VAV2: variants seen among roughly 807,000 people sequenced by gnomAD.
The protein encoded by VAV2 is guanine nucleotide exchange factor VAV2.
VAV2 carries 67 observed loss-of-function variants against 132.5 expected under a neutral mutation model. That is an observed-to-expected ratio of 0.51 (90% CI 0.42 to 0.62). The LOEUF (loss-of-function observed/expected upper bound fraction) is 0.62. VAV2 is among the 20% of genes least tolerant of loss of function. The pLI is 0.00. For missense variants in VAV2, 938 were observed against 1,153.6 expected (o/e 0.81, Z 2.71); for synonymous variants, 492 against 443.5 (o/e 1.11, Z -1.37).
chr9:133,974,866 C>T (rs1197762033), intron 1 of VAV2, among the ~76,000 whole-genome samples: 6 of 152,184 alleles, frequency 3.9e-5, no homozygotes, highest in Admixed American at 2.0e-4. Context: ...GACTGGCCCC[C>T]GAAGTCTTCC....
At chr9:133,914,808 G>GCGA in intron 2 of VAV2, among the ~76,000 whole-genome samples, 1 of 133,768 alleles carries the variant, frequency 7.5e-6, no homozygotes, top group Non-Finnish European at 1.6e-5. Flanking sequence ...GAGGGGAAGG[G>GCGA]AGAAGGGGAG....
intron 1 of VAV2, among the ~76,000 whole-genome samples, chr9:133,983,901 T>C (rs912984102): frequency 5.9e-5 from 9 of 151,932 alleles, no homozygotes; most frequent in Non-Finnish European, 7.4e-5. Context: ...CCAAGGAGGC[T>C]TTTCAGATAT....
Position 133,784,409 on chromosome 9 carries a change from G to T in VAV2, c.1542C>A (p.Ile514=), listed in dbSNP as rs1177532447. The T allele has an allele frequency of 3.7e-6, 6 of 1,614,078 alleles. No homozygotes were observed. Among genetic ancestry groups the T allele is most frequent in the Non-Finnish European group, 5.1e-6 (6 of 1,180,008 alleles). The change falls in exon 18 of 30, where the codon ATC becomes ATA. Residue 514 remains isoleucine, a synonymous_variant. Transcript: ENST00000371850. ...MEQFEMAMSN[I]KPDKANANHH... ...GGTTGGCATTGGCTTTGTCTGGCTT[G>T]ATGTTTGACCTGGCAGGAGGGAAAG...
intron 1 of VAV2, among the ~76,000 whole-genome samples, chr9:133,983,478 A>G (rs1046644189): frequency 1.1e-4 from 17 of 152,060 alleles, no homozygotes; most frequent in Non-Finnish European, 2.2e-4. Flanking sequence ...CCATGAGTCC[A>G]CCGCCCTGAG....
chr9:133,920,597 C>G (rs1486850460), intron 2 of VAV2, among the ~76,000 whole-genome samples: 3 of 152,158 alleles, frequency 2.0e-5, no homozygotes, highest in African/African-American at 7.2e-5. Context: ...TGCCCCCTCC[C>G]CAGGTGTCCC....
At position 133,863,897 on chromosome 9, in the gene VAV2, G is replaced by A. The variant is rs1392573457; in HGVS notation, c.322-2465C>T. ...AAGCCGGCCCCATGTGAAACCCACT[G>A]GCCTGAAAGGTTAGGAGCAGAAGTA... On this transcript the variant is annotated intron_variant, in intron 2 of 29. Coordinates refer to ENST00000371850, the MANE Select transcript of VAV2 (RefSeq NM_001134398.2). This position sits in a 1 kb window ranked among gnomAD's most constrained non-coding sequence, Gnocchi z 5.0. 6.6e-6 allele frequency among the ~76,000 whole-genome samples: 1 copy of A among 152,092 alleles called. No individual in the cohort carries two copies. The highest frequency in any genetic ancestry group is 1.5e-5 in the Non-Finnish European group (1 of 68,010).
chr9:133,764,079 C>A lies in VAV2; in HGVS notation c.2620G>T (p.Glu874Ter). Residue 874 changes from glutamate to a stop codon, truncating the protein, a stop_gained, in exon 30 of 30, where the codon GAG becomes TAG. Coordinates refer to ENST00000371850, the MANE Select transcript of VAV2 (RefSeq NM_001134398.2). LOFTEE classifies it high-confidence loss of function. Reference sequence around the variant, plus strand: ...TCCTGCCGTCACTGGATGCCCTCCTCTTCTACGTACGTTGAAGGAAACCAG... The same window carrying A: ...TCCTGCCGTCACTGGATGCCCTCCTATTCTACGTACGTTGAAGGAAACCAG... ...IGWFPSTYVE[E>*]EGIQ 6.2e-7 allele frequency: 1 copy of A among 1,613,974 alleles called. No individual in the cohort carries two copies. The highest frequency in any genetic ancestry group is 2.2e-5 in the East Asian group (1 of 44,870).
intron 29 of VAV2, among the ~76,000 whole-genome samples, chr9:133,766,759 AATAT>A (rs373267933): frequency 0.028 from 3,089 of 112,112 alleles, 69 homozygotes; most frequent in Admixed American, 0.035. Flanking sequence ...AGTATAAATA[AATAT>A]ATATATATAT....
intron 1 of VAV2, among the ~76,000 whole-genome samples, chr9:133,946,939 T>C (rs548954317): frequency 1.3e-5 from 2 of 152,268 alleles, no homozygotes; most frequent in South Asian, 2.1e-4. Flanking sequence ...CCAAATGCCC[T>C]GGACAATGCC....
In VAV2 at chr9:133,926,557, C is replaced by T. The variant is rs997765844; in HGVS notation, c.321+12546G>A. On this transcript the variant is annotated intron_variant, in intron 2 of 29. Transcript: ENST00000371850. This position sits in a 1 kb window ranked among gnomAD's most constrained non-coding sequence, Gnocchi z 4.3. ...CAGTCTCCTACTCCAAGCAGACCTC[C>T]CTTCTAAACCTGAGCAGGCCAGGCC... is the stretch of plus-strand genomic sequence containing the variant. 6.6e-6 allele frequency among the ~76,000 whole-genome samples: 1 copy of T among 152,154 alleles called. No individual in the cohort carries two copies. The highest frequency in any genetic ancestry group is 2.4e-5 in the African/African-American group (1 of 41,418).
intron 2 of VAV2, among the ~76,000 whole-genome samples, chr9:133,865,278 T>C (rs891631459): frequency 3.9e-5 from 6 of 152,240 alleles, no homozygotes; most frequent in African/African-American, 1.4e-4. Flanking sequence ...CACCCAATCT[T>C]GCATGGCCTT....
chr9:133,888,285 G>C (rs115837427), intron 2 of VAV2, among the ~76,000 whole-genome samples: 1 of 152,336 alleles, frequency 6.6e-6, no homozygotes, highest in African/African-American at 2.4e-5. Flanking sequence ...CGGTGGTGAC[G>C]GCTGCACAGC....
chr9:133,842,499 A>T (rs1836765671), intron 3 of VAV2, among the ~76,000 whole-genome samples: 1 of 152,202 alleles, frequency 6.6e-6, no homozygotes. Flanking sequence ...GGGTTTGCCC[A>T]GGACAGGGAT....
In VAV2 at chr9:133,849,067, T is replaced by C. The variant is rs144126407; in HGVS notation, c.380+12307A>G. Among the ~76,000 whole-genome samples the C allele has an allele frequency of 3.1e-3, 479 of 152,364 alleles. 1 individual carries two copies. Among genetic ancestry groups the C allele is most frequent in the African/African-American group, 0.011 (456 of 41,590 alleles). On this transcript the variant is annotated intron_variant, in intron 3 of 29. Coordinates refer to ENST00000371850, the MANE Select transcript of VAV2 (RefSeq NM_001134398.2). ...GCAGATACATTTTTAATGCTGACAG[T>C]TGCTGAAGAGGCGGCCTTGGTTTGT...
intron 2 of VAV2, among the ~76,000 whole-genome samples, chr9:133,937,650 G>A (rs1840976225): frequency 6.6e-6 from 1 of 152,086 alleles, no homozygotes; most frequent in Non-Finnish European, 1.5e-5. Context: ...TGCAGGGAAG[G>A]AACAGGAGAG....
chr9:133,788,360 G>A lies in VAV2; in HGVS notation c.1401C>T (p.Val467=), dbSNP rs747297416. The A allele has an allele frequency of 3.1e-6, 5 of 1,605,172 alleles. No homozygotes were observed. The South Asian group carries it at 5.5e-5, about 18-fold the overall frequency. ...GGGACCCGGAAGGCCCCACCTTCTT[G>A]ACGTCCTTGTTGTTCATGGGGTCGT... ...MTDDPMNNKD[V]KKSHGKMWSY... The change falls in exon 15 of 30, where the codon GTC becomes GTT. Residue 467 remains valine, a synonymous_variant. Transcript: ENST00000371850. This position sits in a 1 kb window ranked among gnomAD's most constrained non-coding sequence, Gnocchi z 5.3.
chr9:133,800,110 AAC>A (rs1834874426), intron 9 of VAV2, among the ~76,000 whole-genome samples: 1 of 152,216 alleles, frequency 6.6e-6, no homozygotes, highest in Non-Finnish European at 1.5e-5. Context: ...GAATCACACC[AAC>A]AGTCACCGAC....
At chr9:133,845,445 C>T (rs574677422) in intron 3 of VAV2, among the ~76,000 whole-genome samples, 6 of 152,250 alleles carry the variant, frequency 3.9e-5, no homozygotes, top group African/African-American at 9.6e-5. Flanking sequence ...GGGTTCTCTG[C>T]AACCACCAAT....
rs533253551 is a variant in VAV2 at position 133,991,180 on chromosome 9, C to G, written c.204+895G>C. Reference sequence around the variant, plus strand: ...GGCGCTGGGTGGACCCGGCTGCCACCCGCTCTGCCTCCCCCGACCTCTTCT... The same window carrying G: ...GGCGCTGGGTGGACCCGGCTGCCACGCGCTCTGCCTCCCCCGACCTCTTCT... On this transcript the variant is annotated intron_variant, in intron 1 of 29. Coordinates refer to ENST00000371850, the MANE Select transcript of VAV2 (RefSeq NM_001134398.2). The surrounding 1 kb of genome is among the most constrained non-coding windows in gnomAD (Gnocchi z 4.8). 1.3e-5 allele frequency among the ~76,000 whole-genome samples: 2 copies of G among 152,304 alleles called. No individual in the cohort carries two copies. Among genetic ancestry groups the G allele is most frequent in the Admixed American group, 6.5e-5 (1 of 15,306 alleles).
Sources: gnomAD v4.1 joint callset for allele counts (sites outside exome capture counted in the v4.1 genomes callset) on GRCh38, gnomAD v4.1.1 for gene constraint, Gnocchi (gnomAD v3.1) non-coding constraint, MANE v1.5 for transcripts, NCBI Gene and HGNC (gene_info 2026-07-23, HGNC 2026-07-21) for gene names.